The following ERBB2 variants were observed in gnomAD, a reference collection of about 807,000 sequenced individuals.
ERBB2 encodes the protein receptor tyrosine-protein kinase erbB-2.
In ERBB2, 61 loss-of-function variants were observed where a neutral mutation model predicts 149.0. That is an observed-to-expected ratio of 0.41 (90% CI 0.33 to 0.51). The LOEUF (loss-of-function observed/expected upper bound fraction) is 0.51. Among genes scored for constraint, ERBB2 ranks in the 20% least tolerant of loss-of-function variants. The probability of loss-of-function intolerance (pLI) is 0.25; values close to 1 mark genes in which losing one functional copy is unlikely to be tolerated. For synonymous variants in ERBB2, 633 were observed against 678.8 expected, an observed-to-expected ratio of 0.93 and a Z score of 1.05; for missense variants, 1,205 against 1,655.1, an observed-to-expected ratio of 0.73 and a Z score of 4.72.
rs1295099903 is a variant in ERBB2, at chr17:39,725,362, C to G, written c.2685C>G (p.Leu895=). The G allele has an allele frequency of 6.2e-7, 1 of 1,614,028 alleles. No individual in the cohort carries two copies. Among genetic ancestry groups the G allele is most frequent in the Non-Finnish European group, 8.5e-7 (1 of 1,180,000 alleles). The part of the protein sequence containing the change: ...PIKWMALESI[L]RRRFTHQSDV... ...AGTGGATGGCGCTGGAGTCCATTCT[C>G]CGCCGGCGGTTCACCCACCAGAGTG... Residue 895 remains leucine (L), a synonymous_variant, in exon 22 of 27, where the codon CTC becomes CTG. Coordinates refer to ENST00000269571, the MANE Select transcript of ERBB2 (RefSeq NM_004448.4). The surrounding 1 kb of genome is among the most constrained non-coding windows in gnomAD (Gnocchi z 4.6).
intron 7 of ERBB2, among the ~76,000 whole-genome samples, chr17:39,711,455 G>T (rs571054439): frequency 1.3e-5 from 2 of 152,306 alleles, no homozygotes; most frequent in South Asian, 4.1e-4. Flanking sequence ...GTCTCCCAAA[G>T]TGCTGGGATT....
intron 2 of ERBB2, chr17:39,707,378 G>A (rs569080560): frequency 2.7e-5 from 11 of 407,774 alleles, no homozygotes; most frequent in African/African-American, 1.2e-4. Flanking sequence ...CTGTGTTTCC[G>A]CTAAATCTTG....
chr17:39,713,502 G>A (rs1477861731), intron 9 of ERBB2, among the ~76,000 whole-genome samples: 1 of 150,792 alleles, frequency 6.6e-6, no homozygotes, highest in Non-Finnish European at 1.5e-5. Flanking sequence ...TGTAATCCCA[G>A]CACTTTGGGA....
At chr17:39,714,931 A>G (rs2059030424) in intron 9 of ERBB2, among the ~76,000 whole-genome samples, 1 of 151,794 alleles carries the variant, frequency 6.6e-6, no homozygotes, top group Non-Finnish European at 1.5e-5. Flanking sequence ...CACCACACCC[A>G]GCTAATTTTT....
chr17:39,723,797 CG>C lies in ERBB2; in HGVS notation c.2209-111del. 6.8e-7 allele frequency: 1 copy of C among 1,477,658 alleles called. No homozygotes were observed. Among genetic ancestry groups the C allele is most frequent in the Admixed American group, 1.9e-5 (1 of 53,302 alleles). The allele number at this position is 1,477,658 out of a possible 1,614,324, so 91.5% of individuals were successfully genotyped here. A position where few individuals can be genotyped will look rare whatever the true frequency, so the allele number is the denominator to read the frequency against. On this transcript the variant is annotated intron_variant, in intron 18 of 26. Transcript: ENST00000269571. The surrounding 1 kb of genome is among the most constrained non-coding windows in gnomAD (Gnocchi z 6.2). ...AGGGCAGTTACAGCGGAGAAGGGAG[CG>C]GGGCCAAGCCCTAGGGTGGTGAAGG...
At chr17:39,712,550 G>T in intron 9 of ERBB2, 102 bp downstream of exon 9, 1 of 1,407,622 alleles carries the variant, frequency 7.1e-7, no homozygotes, top group South Asian at 1.3e-5. Flanking sequence ...ACAGAAGTGG[G>T]GGGATCAAGA....
chr17:39,702,625 G>A (rs1203874524), intron 1 of ERBB2, among the ~76,000 whole-genome samples: 3 of 152,150 alleles, frequency 2.0e-5, no homozygotes, highest in Admixed American at 6.5e-5. Flanking sequence ...GAAAAAATAC[G>A]TGGCATTCCA....
intron 15 of ERBB2, among the ~76,000 whole-genome samples, chr17:39,718,862 C>G (rs946980066): frequency 1.3e-5 from 2 of 152,178 alleles, no homozygotes; most frequent in Non-Finnish European, 1.5e-5. Context: ...CAAGTGAGCC[C>G]TCTTTTGTAT....
At chr17:39,688,440 A>G (rs1458526003) in intron 1 of ERBB2, among the ~76,000 whole-genome samples, 1 of 152,134 alleles carries the variant, frequency 6.6e-6, no homozygotes, top group African/African-American at 2.4e-5. Context: ...CCCTGCCTCT[A>G]CTTTTGCCTC....
At position 39,723,499 on chromosome 17, in the gene ERBB2, A is replaced by ACCGGCCC. The variant is rs1299234582; in HGVS notation, c.2086-33_2086-27dup. ...TCCTCCCAGCCCGCGTGGGGTCTGC[A>ACCGGCCC]CCGGCCCCCGGCACTGACCCACCAC... On this transcript the variant is annotated intron_variant, in intron 17 of 26. Transcript: ENST00000269571. This position sits in a 1 kb window ranked among gnomAD's most constrained non-coding sequence, Gnocchi z 6.2. 6.2e-7 allele frequency: 1 copy of ACCGGCCC among 1,613,502 alleles called. No homozygotes were observed. Among genetic ancestry groups the ACCGGCCC allele is most frequent in the Admixed American group, 1.7e-5 (1 of 59,984 alleles).
At chr17:39,701,839 T>A (rs1316773573) in intron 1 of ERBB2, among the ~76,000 whole-genome samples, 1 of 152,180 alleles carries the variant, frequency 6.6e-6, no homozygotes. Context: ...AAGGTTCCTC[T>A]CTTCCAGGGA....
intron 1 of ERBB2, among the ~76,000 whole-genome samples, chr17:39,705,843 G>C (rs1485280253): frequency 6.6e-6 from 1 of 152,198 alleles, no homozygotes. Flanking sequence ...GTAGCCTGTG[G>C]GAGGCGGAGC....
Position 39,726,490 on chromosome 17 carries a change from G to T in ERBB2, c.2873-72G>T, listed in dbSNP as rs779557657. 3.2e-6 allele frequency: 4 copies of T among 1,268,050 alleles called. No individual in the cohort carries two copies. In the Admixed American group the frequency reaches 7.0e-5, roughly 22 times the overall value. The allele number at this position is 1,268,050 out of a possible 1,614,324, so 78.5% of individuals were successfully genotyped here. A position where few individuals can be genotyped will look rare whatever the true frequency, so the allele number is the denominator to read the frequency against. ...TGGGACTGTCTAGACCAGACTGGAG[G>T]GGGAGTGGGAGGGGAGAGGCAGCAA... On this transcript the variant is annotated intron_variant, in intron 23 of 26. Transcript: ENST00000269571. This position sits in a 1 kb window ranked among gnomAD's most constrained non-coding sequence, Gnocchi z 5.1.
chr17:39,719,576 A>G (rs1040032849), intron 15 of ERBB2, among the ~76,000 whole-genome samples: 9 of 152,200 alleles, frequency 5.9e-5, no homozygotes, highest in African/African-American at 2.2e-4. Flanking sequence ...AAGGAGCTGC[A>G]GGGGAGCGGG....
chr17:39,712,940 AACC>A (rs2145590471), intron 9 of ERBB2, among the ~76,000 whole-genome samples: 1 of 152,200 alleles, frequency 6.6e-6, no homozygotes, highest in Non-Finnish European at 1.5e-5. Flanking sequence ...GAACCGAAAA[AACC>A]ACTCTGTGGT....
Position 39,726,035 on chromosome 17 carries a change from A to G in ERBB2, c.2872+182A>G, listed in dbSNP as rs2059738395. 1 of 602,756 alleles carries G rather than the reference A, an allele frequency of 1.7e-6. No individual in the cohort carries two copies. The highest frequency in any genetic ancestry group is 2.8e-6 in the Non-Finnish European group (1 of 353,412). 37.3% of individuals were successfully genotyped at this position (602,756 alleles called of 1,614,324 possible). A position where few individuals can be genotyped will look rare whatever the true frequency, so the allele number is the denominator to read the frequency against. On this transcript the variant is annotated intron_variant, in intron 23 of 26. Coordinates refer to ENST00000269571, the MANE Select transcript of ERBB2 (RefSeq NM_004448.4). This position sits in a 1 kb window ranked among gnomAD's most constrained non-coding sequence, Gnocchi z 5.1. Reference sequence around the variant, plus strand: ...AAGTCCAAAGCCACTCTTGAGGAACACTCTTGTACAAAATTAAGCTGGGCA... The same window carrying G: ...AAGTCCAAAGCCACTCTTGAGGAACGCTCTTGTACAAAATTAAGCTGGGCA...
chr17:39,688,582 G>T (rs1483893741), intron 1 of ERBB2: 1 of 152,412 alleles, frequency 6.6e-6, no homozygotes, highest in South Asian at 2.1e-4. Flanking sequence ...TTTGGCCCCT[G>T]TCCACTGGTC....
chr17:39,700,300 C>T lies in ERBB2; in HGVS notation c.62C>T (p.Ala21Val), dbSNP rs1004896536. 7 of 1,426,040 alleles carry T rather than the reference C, an allele frequency of 4.9e-6. No homozygotes were observed. The African/African-American group carries it at 7.4e-5, about 15-fold the overall frequency. The allele number at this position is 1,426,040 out of a possible 1,614,324, so 88.3% of individuals were successfully genotyped here. Residue 21 changes from alanine (A) to valine (V), a missense_variant, in exon 1 of 27, where the codon GCG becomes GTG. Around this residue, in one of 6 missense-constraint regions of ERBB2, gnomAD observed 101 missense variants for 95.1 expected, o/e 1.06. Coordinates refer to ENST00000269571, the MANE Select transcript of ERBB2 (RefSeq NM_004448.4). The stretch of plus-strand genomic sequence containing the variant: ...CTCGCCCTCTTGCCCCCCGGAGCCG[C>T]GAGCACCCAAGGTGGGTCTGGTGTG... ...LLLALLPPGAASTQVCTGTDM... is the reference protein window; with the variant it reads ...LLLALLPPGAVSTQVCTGTDM...
Position 39,727,140 on chromosome 17 carries a change from G to T in ERBB2, c.3159+137G>T. 1 of 1,225,316 alleles carries T rather than the reference G, an allele frequency of 8.2e-7. No homozygotes were observed. Among genetic ancestry groups the T allele is most frequent in the Middle Eastern group, 2.9e-4 (1 of 3,454 alleles). 75.9% of individuals were successfully genotyped at this position (1,225,316 alleles called of 1,614,324 possible). A position where few individuals can be genotyped will look rare whatever the true frequency, so the allele number is the denominator to read the frequency against. On this transcript the variant is annotated intron_variant, in intron 25 of 26. Transcript: ENST00000269571. This position sits in a 1 kb window ranked among gnomAD's most constrained non-coding sequence, Gnocchi z 4.3. ...ATTATCCCTACAAAAAATTCTTACT[G>T]CCTTCCAACCCCTGTGACCCCATTC... is the stretch of plus-strand genomic sequence containing the variant.
Sources: gnomAD v4.1 joint callset for allele counts (sites outside exome capture counted in the v4.1 genomes callset) on GRCh38, gnomAD v4.1.1 for gene constraint, gnomAD v4.1.1 regional missense constraint, Gnocchi (gnomAD v3.1) non-coding constraint, MANE v1.5 for transcripts, NCBI Gene and HGNC (gene_info 2026-07-23, HGNC 2026-07-21) for gene names.